Variants in CDH4 observed in about 807,000 individuals in gnomAD.
The protein encoded by CDH4 is cadherin 4.
In CDH4, 33 loss-of-function variants were observed where a neutral mutation model predicts 86.0. The ratio of observed to expected loss-of-function variants is 0.38; its 90% confidence interval spans 0.29 to 0.51. The LOEUF is 0.51. CDH4 is among the 20% of genes least tolerant of loss of function. The probability of loss-of-function intolerance (pLI) is 0.86; values close to 1 mark genes in which losing one functional copy is unlikely to be tolerated. For synonymous variants in CDH4, 555 were observed against 549.4 expected (o/e 1.01, Z -0.14); for missense variants, 1,114 against 1,307.4 (o/e 0.85, Z 2.28).
chr20:61,613,443 C>T (rs1344624068), intron 2 of CDH4, among the ~76,000 whole-genome samples: 1 of 151,976 alleles, frequency 6.6e-6, no homozygotes, highest in Non-Finnish European at 1.5e-5. Flanking sequence ...TTCTCACCTC[C>T]TAATATCGCC....
chr20:61,616,525 G>A (rs1306250028), intron 2 of CDH4, among the ~76,000 whole-genome samples: 1 of 152,212 alleles, frequency 6.6e-6, no homozygotes, highest in African/African-American at 2.4e-5. Flanking sequence ...GCAGGTTAGT[G>A]GGGTAAATAA....
In CDH4 at chr20:61,582,584, C is replaced by T. The variant is rs1393882966; in HGVS notation, c.170-160979C>T. On this transcript the variant is annotated intron_variant, in intron 2 of 15. Transcript: ENST00000614565. This position sits in a 1 kb window ranked among gnomAD's most constrained non-coding sequence, Gnocchi z 4.2. ...GAGTCTCCCCAGTTGCACCCAGTGC[C>T]CTGAGAGCTGCACCTAGAGCTTCTT... 6.6e-6 allele frequency among the ~76,000 whole-genome samples: 1 copy of T among 152,128 alleles called. No individual in the cohort carries two copies. Among genetic ancestry groups the T allele is most frequent in the Non-Finnish European group, 1.5e-5 (1 of 68,032 alleles).
intron 2 of CDH4, among the ~76,000 whole-genome samples, chr20:61,603,501 C>T (rs1369926328): frequency 6.6e-6 from 1 of 152,166 alleles, no homozygotes; most frequent in African/African-American, 2.4e-5. Flanking sequence ...GGAAGGGAGG[C>T]AGGGCCAGGC....
chr20:61,624,167 G>A (rs1440739114), intron 2 of CDH4, among the ~76,000 whole-genome samples: 4 of 152,186 alleles, frequency 2.6e-5, no homozygotes, highest in African/African-American at 7.2e-5. Context: ...CAAGCATCCG[G>A]TCAGTGTTCC....
chr20:61,533,763 G>A (rs1419249479), intron 2 of CDH4, among the ~76,000 whole-genome samples: 4 of 152,228 alleles, frequency 2.6e-5, no homozygotes, highest in Non-Finnish European at 5.9e-5. Flanking sequence ...GGGGAGCATG[G>A]GCTCTGCAGA....
rs987803794 is a variant in CDH4, at chr20:61,615,085, G to C, written c.170-128478G>C. Among the ~76,000 whole-genome samples, 10 of 151,598 alleles carry C rather than the reference G, an allele frequency of 6.6e-5. 1 individual carries two copies. Among genetic ancestry groups the C allele is most frequent in the Admixed American group, 3.9e-4 (6 of 15,228 alleles). On this transcript the variant is annotated intron_variant, in intron 2 of 15. Coordinates refer to ENST00000614565, the MANE Select transcript of CDH4 (RefSeq NM_001794.5). Reference sequence around the variant, plus strand: ...AGTTAGAGTTCTCTGCATTGGAAATGTGTTCATACATTTTGCTTTTTTTGT... The same window carrying C: ...AGTTAGAGTTCTCTGCATTGGAAATCTGTTCATACATTTTGCTTTTTTTGT...
chr20:61,761,486 G>T (rs895907217), intron 3 of CDH4, among the ~76,000 whole-genome samples: 5 of 152,130 alleles, frequency 3.3e-5, no homozygotes, highest in African/African-American at 4.8e-5. Flanking sequence ...TCTAAGACGT[G>T]GTGTGTGTGT....
At position 61,879,222 on chromosome 20, in the gene CDH4, T is replaced by C. The variant is rs1984176086; in HGVS notation, c.1050+5322T>C. 6.6e-6 allele frequency among the ~76,000 whole-genome samples: 1 copy of C among 152,198 alleles called. No homozygotes were observed. The highest frequency in any genetic ancestry group is 1.5e-5 in the Non-Finnish European group (1 of 68,042). On this transcript the variant is annotated intron_variant, in intron 7 of 15. Transcript: ENST00000614565. The surrounding 1 kb of genome is among the most constrained non-coding windows in gnomAD (Gnocchi z 4.1). ...ACTGCCCCCCTGGGCCCAGGCCTGC[T>C]GAGCCCGAGAAGCTGATTTCTGTCT...
Position 61,516,554 on chromosome 20 carries a change from C to T in CDH4, c.170-227009C>T, listed in dbSNP as rs2085822581. Among the ~76,000 whole-genome samples, 1 of 152,184 alleles carries T rather than the reference C, an allele frequency of 6.6e-6. No individual in the cohort carries two copies. The highest frequency in any genetic ancestry group is 6.5e-5 in the Admixed American group (1 of 15,288). The stretch of plus-strand genomic sequence containing the variant: ...CCCTGGAAACTACATCTGCCTCAGA[C>T]CTGCCCCCCTGAGTCACAGCATCAC... On this transcript the variant is annotated intron_variant, in intron 2 of 15. Transcript: ENST00000614565. The surrounding 1 kb of genome is among the most constrained non-coding windows in gnomAD (Gnocchi z 4.0).
At chr20:61,774,940 G>A (rs2145989289) in intron 4 of CDH4, among the ~76,000 whole-genome samples, 1 of 152,302 alleles carries the variant, frequency 6.6e-6, no homozygotes, top group African/African-American at 2.4e-5. Context: ...GGGCATTTGG[G>A]TTGATTCCAT....
intron 2 of CDH4, among the ~76,000 whole-genome samples, chr20:61,522,392 C>T (rs1307621913): frequency 2.6e-5 from 4 of 152,214 alleles, no homozygotes; most frequent in Non-Finnish European, 5.9e-5. Flanking sequence ...AATAGCCACT[C>T]GTGACCTCGG....
chr20:61,476,256 C>G (rs543404615), intron 2 of CDH4, among the ~76,000 whole-genome samples: 1 of 152,318 alleles, frequency 6.6e-6, no homozygotes, highest in African/African-American at 2.4e-5. Context: ...AAGCTCTGAA[C>G]TAAGCCCCTG....
At position 61,351,379 on chromosome 20, in the gene CDH4, T is replaced by G. The variant is rs569529609; in HGVS notation, c.169+96442T>G. On this transcript the variant is annotated intron_variant, in intron 2 of 15. Coordinates refer to ENST00000614565, the MANE Select transcript of CDH4 (RefSeq NM_001794.5). ...GGGTGCCTGGATTCTACGCACACACTGTGCTATTTCGTATCAGGGACTTGG... is the reference window on the plus strand; with the variant it reads ...GGGTGCCTGGATTCTACGCACACACGGTGCTATTTCGTATCAGGGACTTGG... Among the ~76,000 whole-genome samples the G allele has an allele frequency of 5.3e-5, 8 of 152,352 alleles. No individual in the cohort carries two copies. In the East Asian group the frequency reaches 1.4e-3, roughly 26 times the overall value.
chr20:61,283,436 T>C (rs1274536500), intron 2 of CDH4, among the ~76,000 whole-genome samples: 1 of 31,508 alleles, frequency 3.2e-5, no homozygotes, highest in African/African-American at 8.3e-5. Context: ...ACGCGTGTGC[T>C]GTGGTGTGTG....
chr20:61,863,945 G>A (rs990475721), intron 6 of CDH4, among the ~76,000 whole-genome samples: 1 of 25,894 alleles, frequency 3.9e-5, no homozygotes, highest in Admixed American at 7.7e-4. Context: ...CTTAGCCCTT[G>A]GGCGGGTGGA....
chr20:61,420,622 C>G (rs913551), intron 2 of CDH4, among the ~76,000 whole-genome samples: 94,593 of 152,204 alleles, frequency 0.62, 30,220 homozygotes, highest in African/African-American at 0.77. Context: ...TAACAGAAAC[C>G]CATGCCCAGG....
chr20:61,283,480 T>C (rs867902395), intron 2 of CDH4, among the ~76,000 whole-genome samples: 11 of 41,798 alleles, frequency 2.6e-4, no homozygotes, highest in East Asian at 1.1e-3. Flanking sequence ...TGTGCTGTGG[T>C]GTGTGATGTA....
At chr20:61,554,823 A>G (rs568932757) in intron 2 of CDH4, among the ~76,000 whole-genome samples, 19 of 152,312 alleles carry the variant, frequency 1.2e-4, no homozygotes, top group African/African-American at 4.3e-4. Flanking sequence ...TGCGTGTGAG[A>G]GTATGTTCGC....
Position 61,302,124 on chromosome 20 carries a change from G to A in CDH4, c.169+47187G>A, listed in dbSNP as rs532743344. On this transcript the variant is annotated intron_variant, in intron 2 of 15. Coordinates refer to ENST00000614565, the MANE Select transcript of CDH4 (RefSeq NM_001794.5). ...AAAGTAAGGAGACTCCACTACAAAC[G>A]GTGCCCCTTTTGTGGGGAGAGAGAG... 2.3e-4 allele frequency among the ~76,000 whole-genome samples: 35 copies of A among 152,322 alleles called. No homozygotes were observed. In the South Asian group the frequency reaches 5.8e-3, roughly 25 times the overall value.
Sources: allele counts gnomAD v4.1 joint callset (sites outside exome capture counted in the v4.1 genomes callset), GRCh38; gene constraint gnomAD v4.1.1; non-coding constraint Gnocchi (gnomAD v3.1); transcripts MANE v1.5; gene names NCBI Gene and HGNC (gene_info 2026-07-23, HGNC 2026-07-21).